PDE1A: variants seen among roughly 807,000 people sequenced by gnomAD.
PDE1A encodes the protein phosphodiesterase 1A.
PDE1A carries 35 observed loss-of-function variants against 61.7 expected under a neutral mutation model. The observed-to-expected ratio is 0.57, with a 90% CI of 0.43 to 0.75. The LOEUF is 0.75. Ranked by LOEUF, PDE1A falls within the 30% of genes least tolerant of loss-of-function variation. The pLI, the probability that PDE1A is intolerant of heterozygous loss-of-function variation, is 0.00. For synonymous variants in PDE1A, 232 were observed against 213.2 expected (o/e 1.09, Z -0.77); for missense variants, 597 against 630.6 (o/e 0.95, Z 0.57).
the PDE1A span, among the ~76,000 whole-genome samples, chr2:182,625,086 TAGA>T: frequency 2.6e-5 from 4 of 152,066 alleles, no homozygotes; most frequent in African/African-American, 7.2e-5. Flanking sequence ...GCGATGAGAT[TAGA>T]AGGAGAGACA....
chr2:182,374,466 A>G (rs1700282475), intron 1 of PDE1A, among the ~76,000 whole-genome samples: 1 of 152,172 alleles, frequency 6.6e-6, no homozygotes, highest in Non-Finnish European at 1.5e-5. Context: ...GAAAATTGAT[A>G]AAGTTTACTT....
intron 1 of PDE1A, among the ~76,000 whole-genome samples, chr2:182,409,605 A>C (rs1376319552): frequency 1.3e-5 from 2 of 152,198 alleles, no homozygotes; most frequent in Non-Finnish European, 2.9e-5. Context: ...AAATAACCAC[A>C]TTCTTACTTC....
intron 2 of PDE1A, among the ~76,000 whole-genome samples, chr2:182,260,090 C>A (rs1053220077): frequency 2.0e-5 from 3 of 152,194 alleles, no homozygotes; most frequent in African/African-American, 2.4e-5. Context: ...TCACCAAAAT[C>A]ATCTTTAAAG....
At chr2:182,501,625 A>C (rs1262717998) in intron 2 of PDE1A, among the ~76,000 whole-genome samples, 1 of 152,180 alleles carries the variant, frequency 6.6e-6, no homozygotes, top group Admixed American at 6.5e-5. Context: ...TGTCTAATTC[A>C]ATATGTGTTT....
chr2:182,616,540 C>T, the PDE1A span, among the ~76,000 whole-genome samples: 4 of 152,316 alleles, frequency 2.6e-5, no homozygotes, highest in African/African-American at 9.6e-5. Context: ...AATAGAAAAT[C>T]ATTTTCTTGA....
chr2:182,600,852 C>T, the PDE1A span, among the ~76,000 whole-genome samples: 2 of 152,200 alleles, frequency 1.3e-5, no homozygotes, highest in African/African-American at 2.4e-5. Flanking sequence ...GCTGGGCCTT[C>T]AGTCTTTCCT....
At chr2:182,666,843 T>C in the PDE1A span, among the ~76,000 whole-genome samples, 2 of 152,152 alleles carry the variant, frequency 1.3e-5, no homozygotes, top group Admixed American at 6.6e-5. Flanking sequence ...TGCCCAGGAA[T>C]AGCATCAGTT....
At chr2:182,389,036 G>A (rs1055718368) in intron 1 of PDE1A, among the ~76,000 whole-genome samples, 1 of 151,930 alleles carries the variant, frequency 6.6e-6, no homozygotes, top group African/African-American at 2.4e-5. Flanking sequence ...AAAGATTCAT[G>A]GAAAAATGAA....
the PDE1A span, among the ~76,000 whole-genome samples, chr2:182,631,662 T>C: frequency 2.0e-5 from 3 of 152,360 alleles, no homozygotes; most frequent in African/African-American, 7.2e-5. Context: ...TAGGATACTA[T>C]ATAGTTTGTA....
the PDE1A span, among the ~76,000 whole-genome samples, chr2:182,684,551 CAT>C: frequency 1.3e-5 from 2 of 151,998 alleles, no homozygotes; most frequent in East Asian, 1.9e-4. Flanking sequence ...AGATGCAAAA[CAT>C]ATAATTTTTT....
chr2:182,256,194 C>A (rs1303513099), intron 2 of PDE1A, among the ~76,000 whole-genome samples: 2 of 142,464 alleles, frequency 1.4e-5, no homozygotes, highest in African/African-American at 5.5e-5. Context: ...ACTAACTCGT[C>A]ATCTAGCATT....
chr2:182,706,845 C>G, the PDE1A span, among the ~76,000 whole-genome samples: 6 of 152,156 alleles, frequency 3.9e-5, no homozygotes, highest in African/African-American at 1.4e-4. Context: ...GGGTTTATAG[C>G]AGCAGAGGTA....
chr2:182,589,270 A>AGGGAGGAAGGAAGGAAGGAG, the PDE1A span, among the ~76,000 whole-genome samples: 2 of 12,368 alleles, frequency 1.6e-4, no homozygotes, highest in Non-Finnish European at 4.7e-4. Context: ...GGAGGGAGGG[A>AGGGAGGAAGGAAGGAAGGAG]GGAAGGAAGG....
chr2:182,248,784 A>G (rs1691178043), intron 2 of PDE1A, among the ~76,000 whole-genome samples: 1 of 152,158 alleles, frequency 6.6e-6, no homozygotes, highest in African/African-American at 2.4e-5. Context: ...GCTAAAATTC[A>G]AGTGCTAGGT....
At chr2:182,553,258 G>T in the PDE1A span, among the ~76,000 whole-genome samples, 6 of 152,336 alleles carry the variant, frequency 3.9e-5, no homozygotes, top group South Asian at 1.2e-3. Flanking sequence ...CATCTTGGAA[G>T]TGGCTCGCCA....
chr2:182,534,794 A>C, the PDE1A span, among the ~76,000 whole-genome samples: 1 of 151,904 alleles, frequency 6.6e-6, no homozygotes, highest in African/African-American at 2.4e-5. Flanking sequence ...TTATGTAGTT[A>C]AATTTGTTGA....
the PDE1A span, among the ~76,000 whole-genome samples, chr2:182,636,345 G>GT: frequency 2.6e-5 from 4 of 151,636 alleles, no homozygotes; most frequent in Admixed American, 2.0e-4. Context: ...ATTCACTGGG[G>GT]TTTTTTTTCT....
At chr2:182,265,309 C>CA (rs1320809309) in intron 1 of PDE1A, among the ~76,000 whole-genome samples, 1 of 151,482 alleles carries the variant, frequency 6.6e-6, no homozygotes, top group East Asian at 1.9e-4. Flanking sequence ...ATAAAATAAA[C>CA]AAAAAAACAA....
the PDE1A span, among the ~76,000 whole-genome samples, chr2:182,558,026 G>A: frequency 6.6e-6 from 1 of 152,092 alleles, no homozygotes; most frequent in African/African-American, 2.4e-5. Flanking sequence ...TACAAAATAT[G>A]TTTGGGGTAA....
Sources: gnomAD v4.1 joint callset for allele counts (sites outside exome capture counted in the v4.1 genomes callset) on GRCh38, gnomAD v4.1.1 for gene constraint, MANE v1.5 for transcripts, NCBI Gene and HGNC (gene_info 2026-07-23, HGNC 2026-07-21) for gene names.